RFX4: variants seen among roughly 807,000 people sequenced by gnomAD.
RFX4 encodes the protein regulatory factor X4.
RFX4 carries 10 observed loss-of-function variants against 95.0 expected under a neutral mutation model. That is an observed-to-expected ratio of 0.11 (90% CI 0.06 to 0.18). The LOEUF (loss-of-function observed/expected upper bound fraction) is 0.18. RFX4 is among the 10% of genes least tolerant of loss of function. The pLI is 1.00. For synonymous variants in RFX4, 321 were observed against 340.7 expected (o/e 0.94, Z 0.64); for missense variants, 640 against 922.0 (o/e 0.69, Z 3.96).
At chr12:106,630,625 G>A (rs1277146452) in intron 2 of RFX4, among the ~76,000 whole-genome samples, 2 of 152,216 alleles carry the variant, frequency 1.3e-5, no homozygotes, top group African/African-American at 4.8e-5. Flanking sequence ...GTTCTGGCCA[G>A]GTGCAGCCAG....
At chr12:106,656,607 C>T (rs1313751414) in intron 4 of RFX4, among the ~76,000 whole-genome samples, 4 of 152,148 alleles carry the variant, frequency 2.6e-5, no homozygotes, top group African/African-American at 9.7e-5. Context: ...GGCTTACTGG[C>T]CCTGCCCCTG....
At chr12:106,618,461 T>C (rs2040117825) in intron 2 of RFX4, among the ~76,000 whole-genome samples, 2 of 152,136 alleles carry the variant, frequency 1.3e-5, no homozygotes, top group African/African-American at 4.8e-5. Flanking sequence ...AGGATTGCTA[T>C]GTCCTCTTAT....
intron 1 of RFX4, among the ~76,000 whole-genome samples, chr12:106,591,261 CCTTTTTTTTTTTTT>C (rs1181734114): frequency 1.5e-5 from 1 of 66,466 alleles, no homozygotes; most frequent in Non-Finnish European, 2.8e-5. Flanking sequence ...TAAAATAGTC[CCTTTTTTTTTTTTT>C]TTTTTTTTTT....
chr12:106,611,409 C>CTT (rs143279981), intron 2 of RFX4, among the ~76,000 whole-genome samples: 1 of 145,402 alleles, frequency 6.9e-6, no homozygotes, highest in African/African-American at 2.5e-5. Context: ...AAGTTTTCGC[C>CTT]TTTTTTTTTT....
At chr12:106,724,216 A>G (rs1592983791) in intron 13 of RFX4, among the ~76,000 whole-genome samples, 2 of 152,238 alleles carry the variant, frequency 1.3e-5, no homozygotes, top group African/African-American at 2.4e-5. Flanking sequence ...TTTTGGAAGC[A>G]CATACTATCA....
At chr12:106,613,538 A>G (rs1439563695) in intron 2 of RFX4, among the ~76,000 whole-genome samples, 2 of 151,536 alleles carry the variant, frequency 1.3e-5, no homozygotes, top group African/African-American at 2.4e-5. Flanking sequence ...AATTTTTTGT[A>G]TTTTTAGTTG....
At chr12:106,625,772 C>T (rs2040285432) in intron 2 of RFX4, among the ~76,000 whole-genome samples, 1 of 152,182 alleles carries the variant, frequency 6.6e-6, no homozygotes, top group South Asian at 2.1e-4. Flanking sequence ...TATTCAGCAC[C>T]AGGCAGTATG....
intron 8 of RFX4, among the ~76,000 whole-genome samples, chr12:106,697,170 G>A (rs541351673): frequency 1.3e-5 from 2 of 152,170 alleles, no homozygotes; most frequent in East Asian, 1.9e-4. Context: ...CCTGTGCTCC[G>A]AGCCTTAGGT....
intron 7 of RFX4, among the ~76,000 whole-genome samples, chr12:106,695,234 G>A (rs2041857699): frequency 7.6e-6 from 1 of 131,446 alleles, no homozygotes; most frequent in Non-Finnish European, 1.7e-5. Context: ...CCATTGGAAT[G>A]TATAAAAATT....
chr12:106,656,704 C>T (rs948293292), intron 4 of RFX4, among the ~76,000 whole-genome samples: 1 of 152,090 alleles, frequency 6.6e-6, no homozygotes, highest in Non-Finnish European at 1.5e-5. Context: ...ATTCTCCTCT[C>T]CCCTTCCTCC....
intron 15 of RFX4, 188 bp downstream of exon 15, chr12:106,733,273 C>T (rs553690502): frequency 1.7e-5 from 10 of 578,088 alleles, no homozygotes; most frequent in Admixed American, 3.0e-5. Flanking sequence ...GAGCTACGAT[C>T]GCACCACTGC....
Position 106,750,881 on chromosome 12 carries a change from CTG to C in RFX4, c.1935+95_1935+96del. ...CACAGTTCATAAACTGTTATGCATA[CTG>C]TGTGTGCAGCGTGTGTGTCCCCAAG... On this transcript the variant is annotated intron_variant, in intron 17 of 17. Coordinates refer to ENST00000392842, the MANE Select transcript of RFX4 (RefSeq NM_213594.3). 2.4e-6 allele frequency: 3 copies of C among 1,254,346 alleles called. No individual in the cohort carries two copies. In the South Asian group the frequency reaches 8.2e-5, roughly 34 times the overall value. 77.7% of individuals were successfully genotyped at this position (1,254,346 alleles called of 1,614,324 possible).
At chr12:106,697,623 G>T (rs1464882639) in intron 8 of RFX4, among the ~76,000 whole-genome samples, 1 of 152,074 alleles carries the variant, frequency 6.6e-6, no homozygotes, top group Non-Finnish European at 1.5e-5. Context: ...CTCTAAGGGA[G>T]AGTATGTGCC....
intron 13 of RFX4, among the ~76,000 whole-genome samples, chr12:106,722,184 T>C (rs1279848857): frequency 6.6e-6 from 1 of 152,276 alleles, no homozygotes. Context: ...GGAAAAATCA[T>C]TCATGCAGAA....
In RFX4 at chr12:106,639,250, G is replaced by A; in HGVS notation, c.131-82G>A. The A allele has an allele frequency of 3.3e-6, 4 of 1,205,044 alleles. No homozygotes were observed. In the South Asian group the frequency reaches 5.7e-5, roughly 17 times the overall value. 74.6% of individuals were successfully genotyped at this position (1,205,044 alleles called of 1,614,324 possible). On this transcript the variant is annotated intron_variant, in intron 2 of 17. Transcript: ENST00000392842. ...ACATTTCAAAGAAACATAGTCTTTT[G>A]AAACTTGGGAGAGTCGAGAGGACTT... is the stretch of plus-strand genomic sequence containing the variant.
rs2043210687 is a variant in RFX4, at chr12:106,761,717, T to C, written c.*248T>C. The C allele has an allele frequency of 5.4e-6, 1 of 185,450 alleles. No homozygotes were observed. Among genetic ancestry groups the C allele is most frequent in the Non-Finnish European group, 1.1e-5 (1 of 91,706 alleles). 11.5% of individuals were successfully genotyped at this position (185,450 alleles called of 1,614,324 possible). On this transcript the variant is annotated 3_prime_UTR_variant, in exon 18 of 18. Coordinates refer to ENST00000392842, the MANE Select transcript of RFX4 (RefSeq NM_213594.3). ...TAGCCAAGCCAGACTTGACTGTTTC[T>C]GTAGAGCACTATCTCGGGCAGGCCA...
At chr12:106,735,284 A>T (rs2042689956) in intron 15 of RFX4, among the ~76,000 whole-genome samples, 1 of 152,188 alleles carries the variant, frequency 6.6e-6, no homozygotes, top group Non-Finnish European at 1.5e-5. Context: ...AGTGATGTTA[A>T]GAAAAAGGAC....
chr12:106,657,151 G>C (rs1428090842), intron 4 of RFX4, among the ~76,000 whole-genome samples: 10 of 152,198 alleles, frequency 6.6e-5, no homozygotes, highest in Non-Finnish European at 1.2e-4. Flanking sequence ...GAGAGAAAGG[G>C]ACTAGTTGTT....
intron 15 of RFX4, among the ~76,000 whole-genome samples, chr12:106,741,213 GGAGGTTGCAGT>G (rs993724235): frequency 1.2e-4 from 18 of 152,132 alleles, no homozygotes; most frequent in Non-Finnish European, 2.6e-4. Flanking sequence ...AGCCAATGAC[GGAGGTTGCAGT>G]GAGCCAAGAT....
Sources: gnomAD v4.1 joint callset for allele counts (sites outside exome capture counted in the v4.1 genomes callset) on GRCh38, gnomAD v4.1.1 for gene constraint, MANE v1.5 for transcripts, NCBI Gene and HGNC (gene_info 2026-07-23, HGNC 2026-07-21) for gene names.